The following SYNE2 variants were observed in gnomAD, a reference collection of about 807,000 sequenced individuals.
SYNE2 encodes spectrin repeat containing nuclear envelope protein 2.
Under a neutral mutation model 856.3 loss-of-function variants are expected in SYNE2, and 431 were observed. The observed-to-expected ratio is 0.50, with a 90% CI of 0.47 to 0.55. The LOEUF (loss-of-function observed/expected upper bound fraction) is 0.55. SYNE2 is among the 20% of genes least tolerant of loss of function. The pLI is 0.00. For missense variants in SYNE2, 8,129 were observed against 8,023.2 expected (o/e 1.01, Z -0.50); for synonymous variants, 2,923 against 2,872.3 (o/e 1.02, Z -0.56).
chr14:64,132,128 G>A, intron 76 of SYNE2, 137 bp from the exon 77 acceptor site: 3 of 967,652 alleles, frequency 3.1e-6, no homozygotes, highest in Non-Finnish European at 3.1e-6. Flanking sequence ...TGGCCAGGCT[G>A]GTCAATTTGA....
At chr14:64,067,504 G>T (rs1211544451) in intron 51 of SYNE2, among the ~76,000 whole-genome samples, 2 of 152,240 alleles carry the variant, frequency 1.3e-5, no homozygotes, top group East Asian at 3.9e-4. Flanking sequence ...TCAATAAAAA[G>T]TATATCATCT....
chr14:63,957,264 ATTTTT>A (rs4027476), intron 8 of SYNE2, among the ~76,000 whole-genome samples: 16 of 110,812 alleles, frequency 1.4e-4, no homozygotes, highest in African/African-American at 4.0e-4. Context: ...TGCCCAGCTA[ATTTTT>A]TTTTTTTTTT....
intron 45 of SYNE2, among the ~76,000 whole-genome samples, chr14:64,032,141 C>T (rs140720369): frequency 2.6e-5 from 4 of 152,136 alleles, no homozygotes; most frequent in East Asian, 3.9e-4. Flanking sequence ...TTATTGTCTC[C>T]GTAGAATAGA....
intron 7 of SYNE2, among the ~76,000 whole-genome samples, chr14:63,954,190 A>G (rs1350063460): frequency 6.6e-6 from 1 of 152,178 alleles, no homozygotes; most frequent in Non-Finnish European, 1.5e-5. Context: ...GACAAGGTCT[A>G]TCTATCTAGT....
chr14:64,098,065 A>C lies in SYNE2; in HGVS notation c.12225A>C (p.Gln4075His), dbSNP rs768509219. Reference sequence around the variant, plus strand: ...TTCACCAGCATTTGAAGCAAGAACAAGAAGGAGTAGAAAGAGATAGGCTGC... The same window carrying C: ...TTCACCAGCATTTGAAGCAAGAACACGAAGGAGTAGAAAGAGATAGGCTGC... ...LNLHQHLKQE[Q>H]EGVERDRLPA... is the part of the protein sequence containing the mutation. Residue 4075 changes from glutamine (Q) to histidine (H), a missense_variant, in exon 62 of 116, where the codon CAA becomes CAC. Transcript: ENST00000555002. The C allele has an allele frequency of 6.2e-7, 1 of 1,614,198 alleles. No individual in the cohort carries two copies. The highest frequency in any genetic ancestry group is 1.1e-5 in the South Asian group (1 of 91,080).
At position 63,874,411 on chromosome 14, in the gene SYNE2, G is replaced by T. The variant is rs1385520247; in HGVS notation, c.-52+21268G>T. The stretch of plus-strand genomic sequence containing the variant: ...TGCTTCTCACCTCCTGGCTCTGCAG[G>T]CCTCTTTTGTTGTTGGGAGCTAACA... On this transcript the variant is annotated intron_variant, in intron 1 of 115. Coordinates refer to ENST00000555002, the MANE Select transcript of SYNE2 (RefSeq NM_182914.3). Among the ~76,000 whole-genome samples, 4 of 152,072 alleles carry T rather than the reference G, an allele frequency of 2.6e-5. No individual in the cohort carries two copies. The East Asian group carries it at 7.7e-4, about 29-fold the overall frequency.
rs886042592 is a variant in SYNE2, at chr14:64,003,066, A to G, written c.4133A>G (p.Asp1378Gly). The G allele has an allele frequency of 2.7e-5, 43 of 1,614,062 alleles. No homozygotes were observed. Among genetic ancestry groups the G allele is most frequent in the Non-Finnish European group, 3.6e-5 (42 of 1,180,002 alleles). ...HLMKDKAKHL[D>G]KCLKMLDMSF... Reference sequence around the variant, plus strand: ...ATGAAAGACAAGGCCAAACATTTGGATAAATGTTTGAAGATGCTCGATATG... The same window carrying G: ...ATGAAAGACAAGGCCAAACATTTGGGTAAATGTTTGAAGATGCTCGATATG... Residue 1378 changes from aspartate (D) to glycine (G), a missense_variant, in exon 30 of 116, where the codon GAT (aspartate) becomes GGT (glycine). Asp to Gly is a moderately conservative substitution (Grantham distance 94, BLOSUM62 -1). Coordinates refer to ENST00000555002, the MANE Select transcript of SYNE2 (RefSeq NM_182914.3).
At chr14:63,992,452 A>AT (rs1360897470) in intron 21 of SYNE2, among the ~76,000 whole-genome samples, 31 of 151,620 alleles carry the variant, frequency 2.0e-4, no homozygotes, top group Admixed American at 1.2e-3. Context: ...ATTTAAAAAA[A>AT]TTTTTTTTAT....
chr14:64,215,989 C>T, intron 107 of SYNE2: 2 of 1,414,260 alleles, frequency 1.4e-6, no homozygotes, highest in South Asian at 2.8e-5. Flanking sequence ...CCACTCGAGA[C>T]CCTGGCTCCA....
chr14:64,181,388 A>G (rs1458015180), intron 96 of SYNE2, among the ~76,000 whole-genome samples: 2 of 152,216 alleles, frequency 1.3e-5, no homozygotes, highest in Admixed American at 1.3e-4. Context: ...TGAAACACAG[A>G]GTTTCCTTCC....
chr14:63,799,183 ATTC>A (rs1382477635), intron 1 of SYNE2, among the ~76,000 whole-genome samples: 1 of 152,128 alleles, frequency 6.6e-6, no homozygotes, highest in African/African-American at 2.4e-5. Context: ...GGTTCAAGCA[ATTC>A]TTCTGTCTCA....
At chr14:63,897,862 G>A (rs1470060561) in intron 1 of SYNE2, among the ~76,000 whole-genome samples, 2 of 152,192 alleles carry the variant, frequency 1.3e-5, no homozygotes, top group Non-Finnish European at 2.9e-5. Flanking sequence ...GATGATGAGA[G>A]CTCCGTTCAT....
intron 61 of SYNE2, 55 bp downstream of exon 61, chr14:64,093,535 T>G: frequency 6.2e-7 from 1 of 1,606,416 alleles, no homozygotes. Context: ...GTGCATTTAT[T>G]TAATACTTAC....
At chr14:64,221,531 C>T in intron 111 of SYNE2, 45 bp from the exon 112 acceptor site, 1 of 1,614,144 alleles carries the variant, frequency 6.2e-7, no homozygotes, top group Non-Finnish European at 8.5e-7. Flanking sequence ...CACCCTCTTC[C>T]AGGGCTCTAA....
chr14:63,893,716 C>T (rs972955826), intron 1 of SYNE2, among the ~76,000 whole-genome samples: 3 of 152,188 alleles, frequency 2.0e-5, no homozygotes, highest in Non-Finnish European at 4.4e-5. Context: ...GCCCTTCTCA[C>T]AGGACTAGAA....
intron 1 of SYNE2, among the ~76,000 whole-genome samples, chr14:63,904,246 A>G (rs1016532485): frequency 1.3e-5 from 2 of 152,068 alleles, no homozygotes; most frequent in Non-Finnish European, 2.9e-5. Flanking sequence ...GGCTGAATCC[A>G]TGTCTTTGTT....
chr14:64,202,221 G>T lies in SYNE2; in HGVS notation c.18039-580G>T, dbSNP rs1284802121. ...GATGCCCCATAATCTACCCGCATGG[G>T]CTGGTTCAATGTATACGGCTGGGTG... On this transcript the variant is annotated intron_variant, in intron 99 of 115. Transcript: ENST00000555002. 7.1e-6 allele frequency: 5 copies of T among 702,224 alleles called. No homozygotes were observed. The South Asian group carries it at 7.4e-5, about 10-fold the overall frequency. The allele number at this position is 702,224 out of a possible 1,614,324, so 43.5% of individuals were successfully genotyped here. A position where few individuals can be genotyped will look rare whatever the true frequency, so the allele number is the denominator to read the frequency against.
At chr14:64,112,668 G>A (rs878905872) in intron 65 of SYNE2, among the ~76,000 whole-genome samples, 1 of 152,120 alleles carries the variant, frequency 6.6e-6, no homozygotes, top group East Asian at 1.9e-4. Flanking sequence ...AATCATATTC[G>A]AGTATGCAGA....
At chr14:64,104,446 C>CT (rs34102150) in intron 64 of SYNE2, among the ~76,000 whole-genome samples, 3,229 of 118,782 alleles carry the variant, frequency 0.027, 99 homozygotes, top group East Asian at 0.068. Context: ...CCTGTTTTCT[C>CT]TTTTTTTTTT....
Sources: allele counts gnomAD v4.1 joint callset (sites outside exome capture counted in the v4.1 genomes callset), GRCh38; gene constraint gnomAD v4.1.1; transcripts MANE v1.5; gene names NCBI Gene and HGNC (gene_info 2026-07-23, HGNC 2026-07-21).